The following FAT3 variants were observed in gnomAD, a reference collection of about 807,000 sequenced individuals.
FAT3 encodes protocadherin Fat 3.
Under a neutral mutation model 310.2 loss-of-function variants are expected in FAT3, and 95 were observed. The observed-to-expected ratio is 0.31, with a 90% CI of 0.26 to 0.36. The LOEUF is 0.36. Ranked by LOEUF, FAT3 falls within the 10% of genes least tolerant of loss-of-function variation. The probability of loss-of-function intolerance (pLI) is 1.00; values close to 1 mark genes in which losing one functional copy is unlikely to be tolerated. For synonymous variants in FAT3, 2,314 were observed against 2,192.9 expected (o/e 1.06, Z -1.54); for missense variants, 5,408 against 5,715.6 (o/e 0.95, Z 1.74).
intron 1 of FAT3, among the ~76,000 whole-genome samples, chr11:92,315,512 TAGAG>T (rs374021850): frequency 0.06 from 3,320 of 55,104 alleles, 83 homozygotes; most frequent in Non-Finnish European, 0.081. Context: ...TATATATATA[TAGAG>T]AGAGAGAGAG....
intron 23 of FAT3, among the ~76,000 whole-genome samples, chr11:92,881,679 G>A (rs1644409533): frequency 3.3e-5 from 5 of 152,052 alleles, no homozygotes; most frequent in Admixed American, 3.3e-4. Flanking sequence ...ATAGGTGATT[G>A]GACCTTTTAA....
At chr11:92,447,996 A>G (rs952445364) in intron 2 of FAT3, among the ~76,000 whole-genome samples, 1 of 152,138 alleles carries the variant, frequency 6.6e-6, no homozygotes, top group Non-Finnish European at 1.5e-5. Flanking sequence ...GAACCTGGGA[A>G]AGGTGGCAGA....
intron 1 of FAT3, among the ~76,000 whole-genome samples, chr11:92,270,042 T>C (rs1465743661): frequency 1.3e-5 from 2 of 152,182 alleles, no homozygotes; most frequent in Non-Finnish European, 2.9e-5. Flanking sequence ...CTGTGGTTCC[T>C]GTCCTCTCCA....
chr11:92,665,116 A>T (rs1942909452), intron 3 of FAT3, among the ~76,000 whole-genome samples: 1 of 152,178 alleles, frequency 6.6e-6, no homozygotes, highest in African/African-American at 2.4e-5. Context: ...TACAGTCAAA[A>T]TCATTTTAAT....
chr11:92,570,676 G>A (rs1308700714), intron 3 of FAT3, among the ~76,000 whole-genome samples: 3 of 152,252 alleles, frequency 2.0e-5, no homozygotes, highest in Middle Eastern at 3.4e-3. Context: ...TACATTGCCA[G>A]CCTTCAAGGG....
Position 92,352,659 on chromosome 11 carries a change from A to G in FAT3, c.547A>G (p.Thr183Ala). ...LRTSVAQVTATDADIGSNGEF... is the reference protein window; with the variant it reads ...LRTSVAQVTAADADIGSNGEF... ...GACTAGTGTTGCCCAGGTGACTGCA[A>G]CAGACGCAGATATTGGTTCCAATGG... The change falls in exon 2 of 28, where the codon ACA becomes GCA. Residue 183 changes from threonine to alanine, a missense_variant. Thr to Ala is a moderately conservative substitution (Grantham distance 58). This residue lies in a region of FAT3 where 4,588 missense variants were observed against 4,809.8 expected (regional missense o/e 0.95). Transcript: ENST00000525166. 1 of 1,613,884 alleles carries G rather than the reference A, an allele frequency of 6.2e-7. No homozygotes were observed. The highest frequency in any genetic ancestry group is 1.1e-5 in the South Asian group (1 of 91,084).
rs566970346 is a variant in FAT3 at position 92,489,007 on chromosome 11, G to A, written c.3293-35627G>A. Among the ~76,000 whole-genome samples the A allele has an allele frequency of 3.9e-5, 6 of 152,198 alleles. No homozygotes were observed. In the South Asian group the frequency reaches 1.2e-3, roughly 32 times the overall value. On this transcript the variant is annotated intron_variant, in intron 2 of 27. Coordinates refer to ENST00000525166, the MANE Select transcript of FAT3 (RefSeq NM_001367949.2). Reference sequence around the variant, plus strand: ...AGTAGTAGCTTACTCCATCCACCTAGGAGAGTCAAATAAGGTAAGTGCATA... The same window carrying A: ...AGTAGTAGCTTACTCCATCCACCTAAGAGAGTCAAATAAGGTAAGTGCATA...
At chr11:92,842,774 G>A (rs1010708802) in intron 18 of FAT3, among the ~76,000 whole-genome samples, 1 of 152,228 alleles carries the variant, frequency 6.6e-6, no homozygotes, top group Non-Finnish European at 1.5e-5. Context: ...AGCTACTCAG[G>A]AGGCTGAGGT....
At chr11:92,724,265 C>T (rs543834868) in intron 4 of FAT3, among the ~76,000 whole-genome samples, 7 of 152,182 alleles carry the variant, frequency 4.6e-5, no homozygotes, top group Admixed American at 2.6e-4. Context: ...CCATGTGGCC[C>T]CTCATCCTTT....
Position 92,752,464 on chromosome 11 carries a change from C to G in FAT3, c.3670-9392C>G, listed in dbSNP as rs116439754. On this transcript the variant is annotated intron_variant, in intron 4 of 27. Transcript: ENST00000525166. ...GATTGTTGTAACAAAGGAGATCGTGCAGGGCTCTGCATCTCACAGTGAGTA... is the reference window on the plus strand; with the variant it reads ...GATTGTTGTAACAAAGGAGATCGTGGAGGGCTCTGCATCTCACAGTGAGTA... Among the ~76,000 whole-genome samples the G allele has an allele frequency of 5.5e-3, 837 of 152,328 alleles. 12 individuals are homozygous for G. Among genetic ancestry groups the G allele is most frequent in the African/African-American group, 0.019 (769 of 41,558 alleles).
At chr11:92,689,334 GA>G (rs1255594217) in intron 3 of FAT3, among the ~76,000 whole-genome samples, 1 of 152,014 alleles carries the variant, frequency 6.6e-6, no homozygotes, top group Non-Finnish European at 1.5e-5. Flanking sequence ...TCAGAATTAT[GA>G]AAAAAATCTT....
At chr11:92,473,473 TATC>T (rs1401503457) in intron 2 of FAT3, among the ~76,000 whole-genome samples, 1 of 152,228 alleles carries the variant, frequency 6.6e-6, no homozygotes, top group African/African-American at 2.4e-5. Context: ...TTTGAAATTT[TATC>T]ATCATTGAGA....
chr11:92,708,724 T>C (rs2135942418), intron 4 of FAT3, among the ~76,000 whole-genome samples: 1 of 152,374 alleles, frequency 6.6e-6, no homozygotes, highest in South Asian at 2.1e-4. Flanking sequence ...ATAGCATCTA[T>C]GAATGAGCCT....
chr11:92,590,294 G>A (rs537394954), intron 3 of FAT3, among the ~76,000 whole-genome samples: 1 of 152,206 alleles, frequency 6.6e-6, no homozygotes, highest in African/African-American at 2.4e-5. Flanking sequence ...ATTTGAACTT[G>A]GCCTTTCAAA....
At chr11:92,851,586 C>T (rs952831949) in intron 19 of FAT3, among the ~76,000 whole-genome samples, 2 of 152,184 alleles carry the variant, frequency 1.3e-5, no homozygotes, top group Non-Finnish European at 2.9e-5. Flanking sequence ...ACAGAGCTTA[C>T]TCTGCCATTT....
intron 3 of FAT3, among the ~76,000 whole-genome samples, chr11:92,625,450 C>G (rs1162385239): frequency 6.6e-6 from 1 of 152,136 alleles, no homozygotes; most frequent in African/African-American, 2.4e-5. Context: ...CTGCCCAAGA[C>G]AGTGGTTGTT....
intron 17 of FAT3, 40 bp from the exon 18 acceptor site, chr11:92,840,522 A>G: frequency 6.8e-7 from 1 of 1,469,616 alleles, no homozygotes; most frequent in Non-Finnish European, 9.2e-7. Flanking sequence ...AGAGAAGTGT[A>G]ATTTTTATCT....
chr11:92,721,350 C>T (rs1242464834), intron 4 of FAT3, among the ~76,000 whole-genome samples: 1 of 151,904 alleles, frequency 6.6e-6, no homozygotes, highest in Non-Finnish European at 1.5e-5. Context: ...GTGTGAGTGC[C>T]CAACTCTGTA....
intron 2 of FAT3, among the ~76,000 whole-genome samples, chr11:92,439,220 C>T (rs767437268): frequency 6.6e-6 from 1 of 151,870 alleles, no homozygotes; most frequent in Non-Finnish European, 1.5e-5. Flanking sequence ...TATAAAAAAA[C>T]CCACAATTTT....
Sources: allele counts gnomAD v4.1 joint callset (sites outside exome capture counted in the v4.1 genomes callset), GRCh38; gene constraint gnomAD v4.1.1; regional missense constraint gnomAD v4.1.1; transcripts MANE v1.5; gene names NCBI Gene and HGNC (gene_info 2026-07-23, HGNC 2026-07-21).